Variants in DDX19A observed in about 807,000 individuals in gnomAD.
DDX19A encodes ATP-dependent RNA helicase DDX19A.
In DDX19A, 12 loss-of-function variants were observed where a neutral mutation model predicts 60.6. That is an observed-to-expected ratio of 0.20 (90% CI 0.13 to 0.32). The LOEUF is 0.32. Ranked by LOEUF, DDX19A falls within the 10% of genes least tolerant of loss-of-function variation. DDX19A has a pLI of 1.00. For synonymous variants in DDX19A, 206 were observed against 218.2 expected, an observed-to-expected ratio of 0.94 and a Z score of 0.49; for missense variants, 337 against 600.6, an observed-to-expected ratio of 0.56 and a Z score of 4.59.
intron 8 of DDX19A, 95 bp from the exon 9 acceptor site, chr16:70,366,529 C>T (rs1964524876): frequency 1.3e-6 from 2 of 1,532,144 alleles, no homozygotes; most frequent in Non-Finnish European, 8.9e-7. Flanking sequence ...CCCCATCAGC[C>T]TTCCTGGGCA....
At position 70,362,337 on chromosome 16, in the gene DDX19A, T is replaced by A. The variant is rs544401396; in HGVS notation, c.386+827T>A. 5.0e-3 allele frequency among the ~76,000 whole-genome samples: 648 copies of A among 129,640 alleles called. 6 individuals are homozygous for A. Among genetic ancestry groups the A allele is most frequent in the African/African-American group, 0.018 (629 of 34,364 alleles). The allele number at this position is 129,640 out of a possible 152,430, so 85.0% of individuals were successfully genotyped here. ...TCTAGCCTGGGAAACATAGACTCTG[T>A]CTCAAAAAAAAAAAAAAAAAAAAAA... On this transcript the variant is annotated intron_variant, in intron 5 of 11. Coordinates refer to ENST00000302243, the MANE Select transcript of DDX19A (RefSeq NM_018332.5).
intron 2 of DDX19A, among the ~76,000 whole-genome samples, chr16:70,355,271 C>T (rs554904963): frequency 2.7e-4 from 41 of 151,978 alleles, no homozygotes; most frequent in Non-Finnish European, 5.3e-4. Context: ...GCTACTCAGG[C>T]GGCTGAGGCG....
At position 70,366,140 on chromosome 16, in the gene DDX19A, G is replaced by C. The variant is rs776297933; in HGVS notation, c.660G>C (p.Val220=). 1.5e-5 allele frequency: 25 copies of C among 1,614,174 alleles called. No individual in the cohort carries two copies. In the East Asian group the frequency reaches 5.6e-4, roughly 36 times the overall value. ...EQIVIGTPGT[V]LDWCSKLKFI... Reference sequence around the variant, plus strand: ...TTGTCATTGGCACCCCTGGGACCGTGCTGGACTGGTGCTCCAAGCTCAAGT... The same window carrying C: ...TTGTCATTGGCACCCCTGGGACCGTCCTGGACTGGTGCTCCAAGCTCAAGT... The change falls in exon 8 of 12, where the codon GTG becomes GTC. Residue 220 remains valine (V), a synonymous_variant. Coordinates refer to ENST00000302243, the MANE Select transcript of DDX19A (RefSeq NM_018332.5).
intron 2 of DDX19A, 115 bp downstream of exon 2, chr16:70,350,720 G>T: frequency 2.7e-6 from 2 of 742,324 alleles, no homozygotes; most frequent in South Asian, 4.2e-5. Context: ...CTGTTTACAA[G>T]CCAGTGAATT....
At chr16:70,353,315 G>A (rs533729133) in intron 2 of DDX19A, among the ~76,000 whole-genome samples, 5 of 151,794 alleles carry the variant, frequency 3.3e-5, no homozygotes, top group Non-Finnish European at 5.9e-5. Context: ...GGGTTTCACC[G>A]TATTACCCAG....
At chr16:70,352,210 G>A (rs1003435026) in intron 2 of DDX19A, among the ~76,000 whole-genome samples, 22 of 151,278 alleles carry the variant, frequency 1.5e-4, no homozygotes, top group African/African-American at 4.9e-4. Context: ...GATATATACA[G>A]TATACTTACT....
intron 11 of DDX19A, 34 bp from the exon 12 acceptor site, chr16:70,371,891 G>C (rs747648806): frequency 3.1e-6 from 5 of 1,613,970 alleles, no homozygotes; most frequent in Non-Finnish European, 2.5e-6. Flanking sequence ...GCACATTCCT[G>C]GGCAGGGTAG....
chr16:70,371,130 T>C lies in DDX19A; in HGVS notation c.1184-242T>C, dbSNP rs1466836938. 4.5e-6 allele frequency: 3 copies of C among 661,242 alleles called. No individual in the cohort carries two copies. The East Asian group carries it at 8.4e-5, about 19-fold the overall frequency. The allele number at this position is 661,242 out of a possible 1,614,324, so 41.0% of individuals were successfully genotyped here. ...TCCAGGGGCGCCCATCTCCAGAACA[T>C]TGTGTCTCCCAGAGGATTACCGACT... On this transcript the variant is annotated intron_variant, in intron 10 of 11. Transcript: ENST00000302243.
At chr16:70,347,844 C>T (rs1963883865) in intron 1 of DDX19A, 1 of 274,354 alleles carries the variant, frequency 3.6e-6, no homozygotes, top group African/African-American at 2.3e-5. Context: ...GCATGCGCCA[C>T]CACGCCCGGC....
At chr16:70,357,040 A>C (rs761242612) in intron 4 of DDX19A, 136 of 300,838 alleles carry the variant, frequency 4.5e-4, no homozygotes, top group Admixed American at 1.2e-3. Context: ...CAAGGTCAGG[A>C]GTTCAAGACC....
intron 9 of DDX19A, among the ~76,000 whole-genome samples, chr16:70,368,856 G>C (rs552478557): frequency 1.3e-5 from 2 of 152,038 alleles, no homozygotes; most frequent in African/African-American, 4.8e-5. Flanking sequence ...ATGACATCTT[G>C]AAGCATCCAG....
At chr16:70,353,770 G>A (rs1290281969) in intron 2 of DDX19A, among the ~76,000 whole-genome samples, 2 of 151,772 alleles carry the variant, frequency 1.3e-5, no homozygotes, top group Admixed American at 6.6e-5. Flanking sequence ...GCATGGTGGT[G>A]CATGCCTGTA....
intron 1 of DDX19A, among the ~76,000 whole-genome samples, chr16:70,348,858 T>C (rs1343090587): frequency 1.3e-5 from 2 of 151,312 alleles, no homozygotes; most frequent in Non-Finnish European, 2.9e-5. Context: ...GGTGGGAGGA[T>C]CACCTGAGCC....
chr16:70,355,974 A>C, intron 3 of DDX19A, 138 bp from the exon 4 acceptor site: 2 of 1,082,484 alleles, frequency 1.8e-6, no homozygotes, highest in Non-Finnish European at 2.7e-6. Flanking sequence ...ATAAATAAAT[A>C]GAGACCTATC....
intron 2 of DDX19A, among the ~76,000 whole-genome samples, chr16:70,353,849 C>T (rs536196314): frequency 3.3e-5 from 5 of 149,344 alleles, no homozygotes; most frequent in East Asian, 2.0e-4. Context: ...TGCAGTGAGC[C>T]GAGATCGTGC....
rs1055783 is a variant in DDX19A, at chr16:70,361,466, C to T, written c.342C>T (p.Pro114=). The change falls in exon 5 of 12, where the codon CCC becomes CCT. Residue 114 remains proline (P), a synonymous_variant. Coordinates refer to ENST00000302243, the MANE Select transcript of DDX19A (RefSeq NM_018332.5). ...QGVYAMGFNR[P]SKIQENALPM... ...TCTATGCCATGGGCTTCAATCGACC[C>T]TCCAAGATACAAGAGAACGCATTAC... 16,817 of 1,613,406 alleles carry T rather than the reference C, an allele frequency of 0.01. 160 individuals carry two copies. The highest frequency in any genetic ancestry group is 0.018 in the South Asian group (1,623 of 91,000).
In DDX19A at chr16:70,346,973, G is replaced by T. The variant is rs373843943; in HGVS notation, c.-19G>T. The T allele has an allele frequency of 8.3e-5, 134 of 1,609,928 alleles. No homozygotes were observed. Among genetic ancestry groups the T allele is most frequent in the Non-Finnish European group, 1.1e-4 (125 of 1,178,790 alleles). The stretch of plus-strand genomic sequence containing the variant: ...GTGCAGCGCATATTTTCACAAGTGG[G>T]TCTCCCTTGTCCGGGACTATGGCCA... On this transcript the variant is annotated 5_prime_UTR_variant, in exon 1 of 12. Transcript: ENST00000302243.
chr16:70,356,080 A>C (rs1405829136), intron 3 of DDX19A, 32 bp from the exon 4 acceptor site: 1 of 1,611,746 alleles, frequency 6.2e-7, no homozygotes, highest in Non-Finnish European at 8.5e-7. Flanking sequence ...TTGCCAGATG[A>C]GTATGAAGAT....
intron 4 of DDX19A, among the ~76,000 whole-genome samples, chr16:70,357,512 G>C (rs1255290213): frequency 6.7e-6 from 1 of 150,096 alleles, no homozygotes; most frequent in East Asian, 2.0e-4. Flanking sequence ...AGCCTCCCGA[G>C]TTAGCTGGGA....
Sources: gnomAD v4.1 joint callset for allele counts (sites outside exome capture counted in the v4.1 genomes callset) on GRCh38, gnomAD v4.1.1 for gene constraint, MANE v1.5 for transcripts, NCBI Gene and HGNC (gene_info 2026-07-23, HGNC 2026-07-21) for gene names.